The following GOLGA7B variants were observed in gnomAD, a reference collection of about 807,000 sequenced individuals.
GOLGA7B encodes golgin A7 family member B.
GOLGA7B carries 17 observed loss-of-function variants against 21.5 expected under a neutral mutation model. That is an observed-to-expected ratio of 0.79 (90% CI 0.54 to 1.19). The LOEUF is 1.19. Among genes scored for constraint, GOLGA7B ranks in the 50% most tolerant of loss-of-function variants. The pLI is 0.00. For synonymous variants in GOLGA7B, 87 were observed against 84.0 expected (o/e 1.04, Z -0.19); for missense variants, 169 against 224.4 (o/e 0.75, Z 1.58).
chr10:97,864,076 T>A lies in GOLGA7B; in HGVS notation c.285T>A (p.Tyr95Ter). ...TCTTCCTCTGCATGGAGACCCACTA[T>A]GAGAAGGTGGCCCCTCCCGCCCCAC... ...YFIFLCMETH[Y>*]EKVLKKISRY... Residue 95 changes from tyrosine to a stop codon, truncating the protein, a stop_gained, in exon 3 of 5, where the codon TAT becomes TAA. Transcript: ENST00000370602. LOFTEE classifies it high-confidence loss of function. The A allele has an allele frequency of 6.2e-7, 1 of 1,613,994 alleles. No homozygotes were observed. Among genetic ancestry groups the A allele is most frequent in the Non-Finnish European group, 8.5e-7 (1 of 1,179,866 alleles).
rs1244215379 is a variant in GOLGA7B, at chr10:97,868,735, A to C, written c.*3035A>C. On this transcript the variant is annotated 3_prime_UTR_variant, in exon 5 of 5. Coordinates refer to ENST00000370602, the MANE Select transcript of GOLGA7B (RefSeq NM_001010917.3). ...CGAGGCCAGATTTGAATCCAAACTC[A>C]GCTCTTCTAGAGATGAGGTCCTGGG... is the stretch of plus-strand genomic sequence containing the variant. The C allele has an allele frequency of 6.6e-6, 1 of 152,234 alleles. No homozygotes were observed. The highest frequency in any genetic ancestry group is 1.5e-5 in the Non-Finnish European group (1 of 68,030). The allele number at this position is 152,234 out of a possible 1,614,324, so 9.4% of individuals were successfully genotyped here.
At position 97,864,219 on chromosome 10, in the gene GOLGA7B, G is replaced by T. The variant is rs2049993718; in HGVS notation, c.343G>T (p.Ala115Ser). ...YIQEQNEKIFAPRGLLLTDPV... is the reference protein window; with the variant it reads ...YIQEQNEKIFSPRGLLLTDPV... The stretch of plus-strand genomic sequence containing the variant: ...CCAGGAGCAGAATGAGAAGATCTTT[G>T]CACCTCGAGGCCTCCTACTTACAGA... Residue 115 changes from alanine to serine, a missense_variant, in exon 4 of 5, where the codon GCA (alanine) becomes TCA (serine). Ala to Ser is a moderately conservative substitution (Grantham distance 99, BLOSUM62 1). Coordinates refer to ENST00000370602, the MANE Select transcript of GOLGA7B (RefSeq NM_001010917.3). 6.2e-7 allele frequency: 1 copy of T among 1,614,138 alleles called. No homozygotes were observed. The highest frequency in any genetic ancestry group is 8.5e-7 in the Non-Finnish European group (1 of 1,180,018).
At chr10:97,861,756 C>T (rs151166572) in intron 2 of GOLGA7B, among the ~76,000 whole-genome samples, 193 of 152,306 alleles carry the variant, frequency 1.3e-3, no homozygotes, top group African/African-American at 4.5e-3. Context: ...TGACCCGGAG[C>T]CAGCTTTCGG....
intron 4 of GOLGA7B, 36 bp from the exon 5 acceptor site, chr10:97,865,554 G>T (rs1235206678): frequency 1.2e-6 from 2 of 1,607,536 alleles, no homozygotes; most frequent in Non-Finnish European, 1.7e-6. Flanking sequence ...CTGCTCAGCA[G>T]CTGGGCTCGC....
At chr10:97,856,442 T>C (rs917258809) in intron 1 of GOLGA7B, among the ~76,000 whole-genome samples, 5 of 152,254 alleles carry the variant, frequency 3.3e-5, no homozygotes, top group Admixed American at 1.3e-4. Flanking sequence ...TAGTATTCCA[T>C]GGTGTATATA....
chr10:97,851,261 G>A (rs1298562062), intron 1 of GOLGA7B, among the ~76,000 whole-genome samples: 2 of 152,170 alleles, frequency 1.3e-5, no homozygotes, highest in East Asian at 3.9e-4. Context: ...GACTTCCTTT[G>A]TGGTGTCTCC....
At chr10:97,855,750 T>A (rs2049931299) in intron 1 of GOLGA7B, among the ~76,000 whole-genome samples, 1 of 152,224 alleles carries the variant, frequency 6.6e-6, no homozygotes, top group African/African-American at 2.4e-5. Flanking sequence ...AACAATTAAC[T>A]TATTTATATT....
At chr10:97,855,829 G>A (rs1006238210) in intron 1 of GOLGA7B, among the ~76,000 whole-genome samples, 6 of 152,150 alleles carry the variant, frequency 3.9e-5, no homozygotes, top group African/African-American at 1.4e-4. Flanking sequence ...TTTCCTCAAT[G>A]AAAACCTTGA....
chr10:97,863,197 C>T (rs77031602), intron 2 of GOLGA7B, among the ~76,000 whole-genome samples: 5,964 of 152,236 alleles, frequency 0.039, 119 homozygotes, highest in Non-Finnish European at 0.043. Context: ...GTTCGTGGTC[C>T]GCGTGGTCTT....
chr10:97,869,462 TC>T lies in GOLGA7B; in HGVS notation c.*3766del. ...AGCAGCTCCAGCCTCAGCCAGACTGTCCCCGAGGTCCCAAGTGAGGCCCCAG... is the reference window on the plus strand; with the variant it reads ...AGCAGCTCCAGCCTCAGCCAGACTGTCCCGAGGTCCCAAGTGAGGCCCCAG... On this transcript the variant is annotated 3_prime_UTR_variant, in exon 5 of 5. Coordinates refer to ENST00000370602, the MANE Select transcript of GOLGA7B (RefSeq NM_001010917.3). 6.5e-6 allele frequency: 1 copy of T among 152,794 alleles called. No homozygotes were observed. 9.5% of individuals were successfully genotyped at this position (152,794 alleles called of 1,614,324 possible).
intron 4 of GOLGA7B, among the ~76,000 whole-genome samples, chr10:97,864,488 T>G (rs1444928834): frequency 1.3e-5 from 2 of 152,200 alleles, no homozygotes; most frequent in Non-Finnish European, 2.9e-5. Context: ...TAATCAGTGC[T>G]TAGAATATGC....
rs1417098919 is a variant in GOLGA7B at position 97,859,158 on chromosome 10, A to G, written c.13-300A>G. Among the ~76,000 whole-genome samples, 8 of 152,184 alleles carry G rather than the reference A, an allele frequency of 5.3e-5. No homozygotes were observed. The East Asian group carries it at 5.8e-4, about 11-fold the overall frequency. On this transcript the variant is annotated intron_variant, in intron 1 of 4. Transcript: ENST00000370602. ...AGCCTTTAACTCCTGGACTCCAGCA[A>G]TGCTCCCACCTCAGCCTCCCAAAGT...
At chr10:97,858,295 G>A (rs2049948815) in intron 1 of GOLGA7B, among the ~76,000 whole-genome samples, 1 of 152,204 alleles carries the variant, frequency 6.6e-6, no homozygotes, top group African/African-American at 2.4e-5. Flanking sequence ...TTCCTCCCTG[G>A]AGCTCACAGA....
chr10:97,865,812 GC>G lies in GOLGA7B; in HGVS notation c.*113del. The G allele has an allele frequency of 1.5e-6, 2 of 1,367,660 alleles. No individual in the cohort carries two copies. The highest frequency in any genetic ancestry group is 1.9e-6 in the Non-Finnish European group (2 of 1,038,330). 84.7% of individuals were successfully genotyped at this position (1,367,660 alleles called of 1,614,324 possible). On this transcript the variant is annotated 3_prime_UTR_variant, in exon 5 of 5. Coordinates refer to ENST00000370602, the MANE Select transcript of GOLGA7B (RefSeq NM_001010917.3). ...CTGAGTCATTCTTTGGGCTCACCCT[GC>G]TGCCCGGGGTGGGAGGGAGGGTGAC... is the stretch of plus-strand genomic sequence containing the variant.
chr10:97,851,553 T>G (rs2049905936), intron 1 of GOLGA7B, among the ~76,000 whole-genome samples: 1 of 152,116 alleles, frequency 6.6e-6, no homozygotes. Context: ...AGTAGAGGAA[T>G]GCAGAGTACT....
intron 4 of GOLGA7B, chr10:97,865,349 G>T (rs1363615829): frequency 3.5e-6 from 2 of 574,360 alleles, no homozygotes; most frequent in African/African-American, 3.7e-5. Context: ...GACCCTGTCT[G>T]CTGTGATCAC....
In GOLGA7B at chr10:97,863,951, G is replaced by C. The variant is rs1230956728; in HGVS notation, c.160G>C (p.Glu54Gln). The C allele has an allele frequency of 1.2e-6, 2 of 1,613,672 alleles. No individual in the cohort carries two copies. Among genetic ancestry groups the C allele is most frequent in the African/African-American group, 2.7e-5 (2 of 74,952 alleles). ...CCAGATCGAGCGGCAGCTCTTTGAAGAGACTGTGAAGACCCTCAACGGATT... is the reference window on the plus strand; with the variant it reads ...CCAGATCGAGCGGCAGCTCTTTGAACAGACTGTGAAGACCCTCAACGGATT... ...DSRIERQLFEETVKTLNGFYA... is the reference protein window; with the variant it reads ...DSRIERQLFEQTVKTLNGFYA... Residue 54 changes from glutamate to glutamine, a missense_variant, in exon 3 of 5, where the codon GAG becomes CAG. Transcript: ENST00000370602.
intron 1 of GOLGA7B, among the ~76,000 whole-genome samples, chr10:97,851,972 G>T (rs2049908435): frequency 6.6e-6 from 1 of 152,216 alleles, no homozygotes; most frequent in African/African-American, 2.4e-5. Flanking sequence ...TCTCTTTCAA[G>T]CCTCAGAGCA....
In GOLGA7B at chr10:97,864,101, C is replaced by T. The variant is rs768066758; in HGVS notation, c.291+19C>T. 2.2e-5 allele frequency: 35 copies of T among 1,613,850 alleles called. No homozygotes were observed. Among genetic ancestry groups the T allele is most frequent in the Non-Finnish European group, 2.8e-5 (33 of 1,179,820 alleles). On this transcript the variant is annotated intron_variant, in intron 3 of 4. Coordinates refer to ENST00000370602, the MANE Select transcript of GOLGA7B (RefSeq NM_001010917.3). ...TGAGAAGGTGGCCCCTCCCGCCCCACCGTGCATCCCTTCCCTCAGGGCTGC... is the reference window on the plus strand; with the variant it reads ...TGAGAAGGTGGCCCCTCCCGCCCCATCGTGCATCCCTTCCCTCAGGGCTGC...
Sources: allele counts gnomAD v4.1 joint callset (sites outside exome capture counted in the v4.1 genomes callset), GRCh38; gene constraint gnomAD v4.1.1; transcripts MANE v1.5; gene names NCBI Gene and HGNC (gene_info 2026-07-23, HGNC 2026-07-21).